The following ANKRD26 variants were observed in gnomAD, a reference collection of about 807,000 sequenced individuals.
The protein encoded by ANKRD26 is ankyrin repeat domain 26.
Under a neutral mutation model 208.7 loss-of-function variants are expected in ANKRD26, and 141 were observed. The ratio of observed to expected loss-of-function variants is 0.68; its 90% CI spans 0.59 to 0.78. ANKRD26 has a LOEUF of 0.78. Ranked by LOEUF, ANKRD26 falls within the 30% of genes least tolerant of loss-of-function variation. The pLI, the probability that ANKRD26 is intolerant of heterozygous loss-of-function variation, is 0.00. For missense variants in ANKRD26, 1,889 were observed against 1,938.7 expected (o/e 0.97, Z 0.48); for synonymous variants, 636 against 660.4 (o/e 0.96, Z 0.57).
chr10:27,084,213 C>T (rs1361842246), intron 5 of ANKRD26, among the ~76,000 whole-genome samples: 1 of 90,648 alleles, frequency 1.1e-5, no homozygotes, highest in East Asian at 3.7e-4. Flanking sequence ...AGCAAAACTA[C>T]ATCTCAAAAA....
chr10:26,985,325 C>T (rs1161632065), intron 3 of ANKRD26, among the ~76,000 whole-genome samples: 2 of 152,084 alleles, frequency 1.3e-5, no homozygotes, highest in African/African-American at 4.8e-5. Context: ...ATTACATTTT[C>T]TCTGGATTCC....
chr10:26,951,004 TTTTCTTTTCTTTTTC>T, the ANKRD26 span, among the ~76,000 whole-genome samples: 1 of 109,742 alleles, frequency 9.1e-6, no homozygotes, highest in African/African-American at 3.2e-5. Context: ...TTCTTTTTTC[TTTTCTTTTCTTTTTC>T]TTTTTTTTTT....
chr10:27,024,706 GA>G, intron 27 of ANKRD26, 147 bp from the exon 28 acceptor site: 2 of 450,312 alleles, frequency 4.4e-6, no homozygotes, highest in Non-Finnish European at 7.9e-6. Context: ...GAACGGATTT[GA>G]AAAAATGACT....
rs1293742057 is a variant in ANKRD26, at chr10:27,048,861, C to G, written c.1754G>C (p.Arg585Thr). Residue 585 changes from arginine (R) to threonine (T), a missense_variant, in exon 17 of 34, where the codon AGA becomes ACA. Arg to Thr is a moderately conservative substitution (Grantham distance 71). Transcript: ENST00000376087. ...CTGATGATCAGTTTCTCCACTCTTT[C>G]TTTTTTGAATTAATCCATCATCATC... ...DDDDDGLIQK[R>T]KSGETDHQQF... The G allele has an allele frequency of 9.3e-6, 15 of 1,613,002 alleles. No homozygotes were observed. Among genetic ancestry groups the G allele is most frequent in the Non-Finnish European group, 1.1e-5 (13 of 1,179,662 alleles).
rs1397484113 is a variant in ANKRD26 at position 27,060,408 on chromosome 10, C to T, written c.1501G>A (p.Glu501Lys). The T allele has an allele frequency of 1.2e-6, 2 of 1,612,262 alleles. No homozygotes were observed. The highest frequency in any genetic ancestry group is 1.7e-5 in the Admixed American group (1 of 59,974). Residue 501 changes from glutamate to lysine, a missense_variant, in exon 15 of 34, where the codon GAA (glutamate) becomes AAA (lysine). Glu to Lys is a moderately conservative substitution (Grantham distance 56). Transcript: ENST00000376087. ...TTATTTGGAACAGAATCTTTCATTT[C>T]AATGGTAGGCTGAATGGGTTTTGAA... ...ERYLHLKPTI[E>K]MKDSVPNKAG...
At chr10:26,953,592 A>G in the ANKRD26 span, among the ~76,000 whole-genome samples, 1 of 152,336 alleles carries the variant, frequency 6.6e-6, no homozygotes, top group Non-Finnish European at 1.5e-5. Flanking sequence ...AAACATTTGC[A>G]GTGAAAGGTT....
downstream of ANKRD26, among the ~76,000 whole-genome samples, chr10:27,000,204 A>G (rs2052691693): frequency 6.6e-6 from 1 of 152,252 alleles, no homozygotes; most frequent in African/African-American, 2.4e-5. Context: ...CCTGACCCAC[A>G]GAAACCGAGA....
At chr10:26,981,508 G>A (rs187498215) in intron 4 of ANKRD26, among the ~76,000 whole-genome samples, 7 of 152,102 alleles carry the variant, frequency 4.6e-5, no homozygotes, top group East Asian at 1.9e-4. Flanking sequence ...CCTGGACCAC[G>A]AAAAAAAGGC....
At chr10:27,062,879 T>C (rs985272478) in intron 12 of ANKRD26, among the ~76,000 whole-genome samples, 32 of 151,992 alleles carry the variant, frequency 2.1e-4, no homozygotes, top group African/African-American at 7.7e-4. Flanking sequence ...GTGATTCTCA[T>C]ACTTGAGCCT....
intron 33 of ANKRD26, 146 bp downstream of exon 33, chr10:27,006,771 A>G (rs548002978): frequency 1.5e-6 from 1 of 654,434 alleles, no homozygotes; most frequent in African/African-American, 1.8e-5. Context: ...ATGTTTTCAC[A>G]TCTTTCATTA....
chr10:26,947,604 T>G, the ANKRD26 span, among the ~76,000 whole-genome samples: 1 of 152,202 alleles, frequency 6.6e-6, no homozygotes, highest in African/African-American at 2.4e-5. Context: ...TTTGATTTAT[T>G]GTTGAAAGAA....
chr10:27,051,453 C>T (rs1165277667), intron 16 of ANKRD26: 9 of 1,072,448 alleles, frequency 8.4e-6, no homozygotes, highest in Non-Finnish European at 1.0e-5. Flanking sequence ...AGTGGTATTT[C>T]GGTTCATATT....
At chr10:26,972,039 T>C (rs190752132), downstream of ANKRD26, among the ~76,000 whole-genome samples, 983 of 151,966 alleles carry the variant, frequency 6.5e-3, 10 homozygotes, top group Non-Finnish European at 9.8e-3. Context: ...ATCGAGACCA[T>C]CCTGGCTAAC....
At position 27,005,257 on chromosome 10, in the gene ANKRD26, T is replaced by C; in HGVS notation, c.*333A>G. The C allele has an allele frequency of 9.8e-7, 1 of 1,025,498 alleles. No individual in the cohort carries two copies. Among genetic ancestry groups the C allele is most frequent in the Non-Finnish European group, 1.2e-6 (1 of 854,920 alleles). 63.5% of individuals were successfully genotyped at this position (1,025,498 alleles called of 1,614,324 possible). ...AATGATGTCTAAGTCCAATTAGACA[T>C]CTACCACTACATATAGTGATAAAAA... On this transcript the variant is annotated 3_prime_UTR_variant, in exon 34 of 34. Coordinates refer to ENST00000376087, the MANE Select transcript of ANKRD26 (RefSeq NM_014915.3).
chr10:27,038,412 G>A (rs531034382), intron 21 of ANKRD26, among the ~76,000 whole-genome samples: 5 of 152,248 alleles, frequency 3.3e-5, no homozygotes, highest in African/African-American at 1.2e-4. Context: ...CACTTTGGGA[G>A]GCCGAGGCGC....
At chr10:27,037,369 C>T (rs1431988983) in intron 22 of ANKRD26, 46 bp from the exon 23 acceptor site, 3 of 1,604,354 alleles carry the variant, frequency 1.9e-6, no homozygotes, top group Non-Finnish European at 2.6e-6. Flanking sequence ...TTGTAAAAGT[C>T]TAAAAGGTTA....
At chr10:27,054,816 G>A (rs1314208247) in intron 15 of ANKRD26, among the ~76,000 whole-genome samples, 2 of 152,160 alleles carry the variant, frequency 1.3e-5, no homozygotes, top group East Asian at 3.8e-4. Context: ...GAAAAGGGCA[G>A]AAAGGGGAAA....
At chr10:26,978,677 G>A (rs1469226189) in intron 5 of ANKRD26, among the ~76,000 whole-genome samples, 2 of 152,096 alleles carry the variant, frequency 1.3e-5, no homozygotes, top group Admixed American at 1.3e-4. Context: ...TGGGATCCAC[G>A]CCCTGATGGA....
chr10:26,955,380 A>G, the ANKRD26 span, among the ~76,000 whole-genome samples: 1 of 152,132 alleles, frequency 6.6e-6, no homozygotes, highest in South Asian at 2.1e-4. Flanking sequence ...GTGAGCCGAG[A>G]TCGCACCATT....
Sources: allele counts gnomAD v4.1 joint callset (sites outside exome capture counted in the v4.1 genomes callset), GRCh38; gene constraint gnomAD v4.1.1; transcripts MANE v1.5; gene names NCBI Gene and HGNC (gene_info 2026-07-23, HGNC 2026-07-21).